RALYL: variants seen among roughly 807,000 people sequenced by gnomAD.
The protein encoded by RALYL is RALY RNA binding protein like, also known as RNA-binding Raly-like protein.
A neutral mutation model predicts 35.1 loss-of-function variants in RALYL; 29 were observed. That is an observed-to-expected ratio of 0.83 (90% CI 0.61 to 1.13). RALYL has a LOEUF of 1.13. RALYL is among the 50% of genes most tolerant of loss of function. The probability of loss-of-function intolerance (pLI) is 0.00; values close to 1 mark genes in which losing one functional copy is unlikely to be tolerated. For synonymous variants in RALYL, 120 were observed against 127.6 expected (o/e 0.94, Z 0.40); for missense variants, 359 against 360.4 (o/e 1.00, Z 0.03).
At chr8:84,610,928 C>T (rs1818176605) in intron 2 of RALYL, among the ~76,000 whole-genome samples, 1 of 151,860 alleles carries the variant, frequency 6.6e-6, no homozygotes, top group Admixed American at 6.6e-5. Flanking sequence ...TGTGGCAGTA[C>T]AAGATGCTCC....
intron 7 of RALYL, among the ~76,000 whole-genome samples, chr8:84,880,670 A>G (rs1224079083): frequency 6.6e-6 from 1 of 151,984 alleles, no homozygotes; most frequent in Non-Finnish European, 1.5e-5. Flanking sequence ...GGTACAGTTT[A>G]CATAGAATAA....
At chr8:84,443,611 A>G (rs1293064845) in intron 1 of RALYL, among the ~76,000 whole-genome samples, 1 of 152,144 alleles carries the variant, frequency 6.6e-6, no homozygotes, top group East Asian at 1.9e-4. Flanking sequence ...GTGCTCTCAC[A>G]TGCAGCCTTG....
chr8:84,802,205 G>A (rs1318061962), intron 3 of RALYL, among the ~76,000 whole-genome samples: 10 of 152,158 alleles, frequency 6.6e-5, no homozygotes, highest in Admixed American at 6.5e-4. Context: ...TACGGACACT[G>A]AAGTTTGAAT....
chr8:84,516,599 T>C (rs990788295), intron 1 of RALYL, among the ~76,000 whole-genome samples: 4 of 152,090 alleles, frequency 2.6e-5, no homozygotes, highest in African/African-American at 7.2e-5. Flanking sequence ...CCAAGCAAAG[T>C]TGTATTTTTA....
At chr8:84,733,402 C>T (rs977774292) in intron 2 of RALYL, among the ~76,000 whole-genome samples, 4 of 152,160 alleles carry the variant, frequency 2.6e-5, no homozygotes, top group African/African-American at 9.7e-5. Flanking sequence ...CCTTTCCATT[C>T]TGACAGTCTA....
At chr8:84,762,424 C>A (rs1812937785) in intron 2 of RALYL, among the ~76,000 whole-genome samples, 1 of 152,122 alleles carries the variant, frequency 6.6e-6, no homozygotes, top group South Asian at 2.1e-4. Flanking sequence ...AGTTTTGCTT[C>A]CTTATAGAAT....
chr8:84,779,383 C>T (rs1817577162), intron 3 of RALYL, among the ~76,000 whole-genome samples: 1 of 152,108 alleles, frequency 6.6e-6, no homozygotes, highest in Non-Finnish European at 1.5e-5. Flanking sequence ...AAGAGATGAA[C>T]AACAATGGAT....
chr8:84,427,622 T>C (rs994285537), intron 1 of RALYL, among the ~76,000 whole-genome samples: 2 of 152,182 alleles, frequency 1.3e-5, no homozygotes, highest in African/African-American at 4.8e-5. Context: ...CTTAGCCATA[T>C]GTATTACTCA....
chr8:84,389,392 A>G (rs1860065489), intron 1 of RALYL, among the ~76,000 whole-genome samples: 1 of 152,056 alleles, frequency 6.6e-6, no homozygotes, highest in Middle Eastern at 3.2e-3. Context: ...AGTCATTGGT[A>G]GCTTGATGGA....
At chr8:84,520,607 C>CA (rs2058388332) in intron 1 of RALYL, among the ~76,000 whole-genome samples, 1 of 152,172 alleles carries the variant, frequency 6.6e-6, no homozygotes, top group Non-Finnish European at 1.5e-5. Flanking sequence ...CAGGGCTGCA[C>CA]AGCAGGAGGT....
rs557572367 is a variant in RALYL at position 84,683,313 on chromosome 8, A to G, written c.257-91266A>G. On this transcript the variant is annotated intron_variant, in intron 2 of 8. Transcript: ENST00000521268. ...TGGTGTGGTGCTGAAAAGAATGTAT[A>G]TTCTGTTGATTTGGGGTGGAGAGTT... is the stretch of plus-strand genomic sequence containing the variant. Among the ~76,000 whole-genome samples, 8 of 152,202 alleles carry G rather than the reference A, an allele frequency of 5.3e-5. No individual in the cohort carries two copies. The South Asian group carries it at 1.7e-3, about 32-fold the overall frequency.
At chr8:84,365,933 G>T (rs1441041637) in intron 1 of RALYL, among the ~76,000 whole-genome samples, 3 of 152,154 alleles carry the variant, frequency 2.0e-5, no homozygotes, top group South Asian at 4.1e-4. Context: ...CACACTGACC[G>T]CATGGACACG....
chr8:84,807,112 A>G (rs1325348917), intron 4 of RALYL, among the ~76,000 whole-genome samples: 5 of 152,166 alleles, frequency 3.3e-5, no homozygotes, highest in Admixed American at 2.6e-4. Flanking sequence ...CCCATCACCC[A>G]AGCAGTATAC....
At chr8:84,685,672 A>G (rs1836606824) in intron 2 of RALYL, among the ~76,000 whole-genome samples, 1 of 152,212 alleles carries the variant, frequency 6.6e-6, no homozygotes. Flanking sequence ...ACAATTTAAA[A>G]AACACAGGGC....
Position 84,321,020 on chromosome 8 carries a change from G to T in RALYL, c.-24+136596G>T, listed in dbSNP as rs148509044. ...TTGCAAAATATCTAAATTTTCTAGGGAAATGTCAGGGGTTAGGGGAGACTT... is the reference window on the plus strand; with the variant it reads ...TTGCAAAATATCTAAATTTTCTAGGTAAATGTCAGGGGTTAGGGGAGACTT... On this transcript the variant is annotated intron_variant, in intron 1 of 8. Coordinates refer to ENST00000521268, the MANE Select transcript of RALYL (RefSeq NM_173848.7). 3.1e-4 allele frequency among the ~76,000 whole-genome samples: 47 copies of T among 152,056 alleles called. No homozygotes were observed. In the East Asian group the frequency reaches 9.1e-3, roughly 29 times the overall value.
At chr8:84,460,296 G>A (rs1035831650) in intron 1 of RALYL, among the ~76,000 whole-genome samples, 2 of 151,696 alleles carry the variant, frequency 1.3e-5, no homozygotes, top group African/African-American at 4.8e-5. Context: ...AACTTCAAGT[G>A]CAAATATCAT....
chr8:84,805,848 G>T (rs1586415677), intron 4 of RALYL, among the ~76,000 whole-genome samples: 1 of 152,098 alleles, frequency 6.6e-6, no homozygotes, highest in East Asian at 1.9e-4. Flanking sequence ...AAGGACTTTT[G>T]CACTTTCAAT....
intron 8 of RALYL, among the ~76,000 whole-genome samples, chr8:84,913,754 T>C (rs924737191): frequency 3.3e-5 from 5 of 152,040 alleles, no homozygotes; most frequent in South Asian, 4.1e-4. Flanking sequence ...ATTTGAGTGT[T>C]AAAAGTGTTT....
At position 84,498,537 on chromosome 8, in the gene RALYL, TCTAACCTTTCTAGTATTGAATATAC is replaced by T. The variant is rs578023230; in HGVS notation, c.-23-30759_-23-30735del. 5.2e-3 allele frequency among the ~76,000 whole-genome samples: 789 copies of T among 152,278 alleles called. 4 individuals carry two copies. Among genetic ancestry groups the T allele is most frequent in the African/African-American group, 0.018 (760 of 41,562 alleles). On this transcript the variant is annotated intron_variant, in intron 1 of 8. Transcript: ENST00000521268. ...TCAATGCCTGATAGCTAGATGCACT[TCTAACCTTTCTAGTATTGAATATAC>T]CTCATCAATAGTATTTTTAACTGCT...
Sources: gnomAD v4.1 joint callset for allele counts (sites outside exome capture counted in the v4.1 genomes callset) on GRCh38, gnomAD v4.1.1 for gene constraint, MANE v1.5 for transcripts, NCBI Gene and HGNC (gene_info 2026-07-23, HGNC 2026-07-21) for gene names.